SHANK2: variants seen among roughly 807,000 people sequenced by gnomAD.
SHANK2 encodes the protein SH3 and multiple ankyrin repeat domains 2.
Under a neutral mutation model 133.7 loss-of-function variants are expected in SHANK2, and 43 were observed. The ratio of observed to expected loss-of-function variants is 0.32; its 90% CI spans 0.25 to 0.41. SHANK2 has a LOEUF of 0.41. Among genes scored for constraint, SHANK2 ranks in the 10% least tolerant of loss-of-function variants. SHANK2 has a pLI of 1.00. For missense variants in SHANK2, 1,994 were observed against 2,235.8 expected, an observed-to-expected ratio of 0.89 and a Z score of 2.18; for synonymous variants, 1,017 against 952.8, an observed-to-expected ratio of 1.07 and a Z score of -1.24.
chr11:70,904,840 G>A (rs532559915), intron 10 of SHANK2, among the ~76,000 whole-genome samples: 43 of 152,264 alleles, frequency 2.8e-4, no homozygotes, highest in East Asian at 1.2e-3. Context: ...GAGTTTCTCC[G>A]CACAAGCTCT....
chr11:70,490,159 C>A, intron 23 of SHANK2, 117 bp downstream of exon 23: 1 of 846,642 alleles, frequency 1.2e-6, no homozygotes, highest in Non-Finnish European at 2.0e-6. Context: ...CAGGGCCTTG[C>A]TGGGGTGGGA....
At chr11:71,126,972 T>C (rs1415600151) in intron 3 of SHANK2, among the ~76,000 whole-genome samples, 17 of 152,178 alleles carry the variant, frequency 1.1e-4, no homozygotes, top group African/African-American at 4.1e-4. Context: ...CCCAAAATGC[T>C]GGGACTACAG....
chr11:70,578,312 C>T (rs1018379792), intron 17 of SHANK2, among the ~76,000 whole-genome samples: 1 of 152,220 alleles, frequency 6.6e-6, no homozygotes, highest in Non-Finnish European at 1.5e-5. Context: ...TCCCCCAAGA[C>T]AGGAGGAACG....
chr11:70,473,835 T>C lies in SHANK2; in HGVS notation c.4980-396A>G, dbSNP rs1555149437. On this transcript the variant is annotated intron_variant, in intron 25 of 25. Coordinates refer to ENST00000601538, the MANE Select transcript of SHANK2 (RefSeq NM_012309.5). This position sits in a 1 kb window ranked among gnomAD's most constrained non-coding sequence, Gnocchi z 5.9. ...CACTGAGGCATTTGGAAGGGGTCCCTTGAAGAGGGCACGGAGACAGGGACA... is the reference window on the plus strand; with the variant it reads ...CACTGAGGCATTTGGAAGGGGTCCCCTGAAGAGGGCACGGAGACAGGGACA... 6 of 345,336 alleles carry C rather than the reference T, an allele frequency of 1.7e-5. No individual in the cohort carries two copies. Among genetic ancestry groups the C allele is most frequent in the Non-Finnish European group, 3.4e-5 (6 of 175,948 alleles). 21.4% of individuals were successfully genotyped at this position (345,336 alleles called of 1,614,324 possible).
At chr11:70,845,736 A>C (rs1277680490) in intron 11 of SHANK2, among the ~76,000 whole-genome samples, 1 of 152,202 alleles carries the variant, frequency 6.6e-6, no homozygotes, top group Non-Finnish European at 1.5e-5. Flanking sequence ...GAATGAATGC[A>C]CATTTCCCAT....
At chr11:70,810,251 C>T (rs1453950829) in intron 12 of SHANK2, among the ~76,000 whole-genome samples, 2 of 152,202 alleles carry the variant, frequency 1.3e-5, no homozygotes, top group Non-Finnish European at 2.9e-5. Flanking sequence ...TGGGCCAGGC[C>T]CCCACCTGAG....
At chr11:71,236,017 G>A (rs151171418) in intron 1 of SHANK2, among the ~76,000 whole-genome samples, 80 of 152,316 alleles carry the variant, frequency 5.3e-4, no homozygotes, top group African/African-American at 1.8e-3. Context: ...CCAGGACCAG[G>A]AGGAAGCCAG....
chr11:70,507,464 A>C (rs1455496512), intron 17 of SHANK2, among the ~76,000 whole-genome samples: 11 of 152,156 alleles, frequency 7.2e-5, no homozygotes, highest in African/African-American at 2.7e-4. Flanking sequence ...TCAGATCTCA[A>C]AACACATTGA....
chr11:70,585,789 T>C lies in SHANK2; in HGVS notation c.2061+74039A>G, dbSNP rs78194087. On this transcript the variant is annotated intron_variant, in intron 17 of 25. Coordinates refer to ENST00000601538, the MANE Select transcript of SHANK2 (RefSeq NM_012309.5). ...CATTCACCCATCCTCTATCCATCCA[T>C]CCACTTAACTACCCAACCACTCATC... Among the ~76,000 whole-genome samples the C allele has an allele frequency of 1.5e-4, 22 of 150,630 alleles. No individual in the cohort carries two copies. The South Asian group carries it at 4.2e-3, about 29-fold the overall frequency.
chr11:70,899,595 G>A (rs1949994935), intron 10 of SHANK2, among the ~76,000 whole-genome samples: 1 of 152,172 alleles, frequency 6.6e-6, no homozygotes, highest in South Asian at 2.1e-4. Flanking sequence ...AGAAGCTGAG[G>A]TGCCGTCCTC....
At chr11:70,617,679 A>G (rs1454939157) in intron 17 of SHANK2, among the ~76,000 whole-genome samples, 2 of 152,162 alleles carry the variant, frequency 1.3e-5, no homozygotes, top group African/African-American at 2.4e-5. Context: ...AGAGGCTTTC[A>G]TGATCAAGGT....
chr11:70,694,579 G>A (rs1445857805), intron 15 of SHANK2, among the ~76,000 whole-genome samples: 1 of 152,220 alleles, frequency 6.6e-6, no homozygotes, highest in African/African-American at 2.4e-5. Flanking sequence ...CTGCACCCAG[G>A]TTTCTGCTGC....
intron 17 of SHANK2, among the ~76,000 whole-genome samples, chr11:70,636,238 T>C (rs1399480785): frequency 1.3e-5 from 2 of 152,214 alleles, no homozygotes; most frequent in African/African-American, 4.8e-5. Flanking sequence ...AATGTGAGTC[T>C]GAGTGTATGA....
At chr11:70,590,550 C>G (rs1554987782) in intron 17 of SHANK2, among the ~76,000 whole-genome samples, 1 of 152,170 alleles carries the variant, frequency 6.6e-6, no homozygotes, top group African/African-American at 2.4e-5. Flanking sequence ...GTCACCCCAG[C>G]CTTCGGCAAC....
chr11:70,573,458 T>C (rs959501532), intron 17 of SHANK2, among the ~76,000 whole-genome samples: 1 of 147,820 alleles, frequency 6.8e-6, no homozygotes, highest in African/African-American at 2.5e-5. Context: ...GACTGGACAT[T>C]GATTATGCCC....
At chr11:70,618,063 G>A (rs1469642525) in intron 17 of SHANK2, among the ~76,000 whole-genome samples, 9 of 152,098 alleles carry the variant, frequency 5.9e-5, no homozygotes, top group Non-Finnish European at 7.4e-5. Context: ...TTTGGGGGGC[G>A]AGGCAGGTGG....
intron 17 of SHANK2, among the ~76,000 whole-genome samples, chr11:70,584,241 C>T (rs971117759): frequency 6.6e-6 from 1 of 152,290 alleles, no homozygotes; most frequent in East Asian, 1.9e-4. Flanking sequence ...GTTACTAAGC[C>T]AGGCATCCTG....
intron 2 of SHANK2, among the ~76,000 whole-genome samples, chr11:71,202,803 CAA>C (rs1424362375): frequency 1.3e-5 from 2 of 152,202 alleles, no homozygotes; most frequent in Non-Finnish European, 2.9e-5. Flanking sequence ...CCTGCTGTGC[CAA>C]AGTCACCTGC....
At chr11:70,923,000 T>G (rs1313320747) in intron 10 of SHANK2, among the ~76,000 whole-genome samples, 3 of 151,588 alleles carry the variant, frequency 2.0e-5, no homozygotes, top group African/African-American at 7.3e-5. Context: ...GATTAATGAG[T>G]TAAAGTACCT....
Sources: gnomAD v4.1 joint callset for allele counts (sites outside exome capture counted in the v4.1 genomes callset) on GRCh38, gnomAD v4.1.1 for gene constraint, Gnocchi (gnomAD v3.1) non-coding constraint, MANE v1.5 for transcripts, NCBI Gene and HGNC (gene_info 2026-07-23, HGNC 2026-07-21) for gene names.